The following CNTNAP4 variants were observed in gnomAD, a reference collection of about 807,000 sequenced individuals.
CNTNAP4 encodes contactin-associated protein-like 4.
Under a neutral mutation model 148.4 loss-of-function variants are expected in CNTNAP4, and 98 were observed. That is an observed-to-expected ratio of 0.66 (90% CI 0.56 to 0.78). CNTNAP4 has a LOEUF of 0.78. Ranked by LOEUF, CNTNAP4 falls within the 30% of genes least tolerant of loss-of-function variation. The pLI, the probability that CNTNAP4 is intolerant of heterozygous loss-of-function variation, is 0.00. For missense variants in CNTNAP4, 1,935 were observed against 1,565.6 expected (o/e 1.24, Z -3.98); for synonymous variants, 730 against 565.1 (o/e 1.29, Z -4.14).
intron 3 of CNTNAP4, among the ~76,000 whole-genome samples, chr16:76,394,818 A>G (rs1184494048): frequency 1.3e-5 from 2 of 152,172 alleles, no homozygotes; most frequent in African/African-American, 2.4e-5. Flanking sequence ...TGAGTGATAC[A>G]TCATTCCCAT....
At chr16:76,526,697 A>G (rs1329595935) in intron 17 of CNTNAP4, among the ~76,000 whole-genome samples, 5 of 152,152 alleles carry the variant, frequency 3.3e-5, no homozygotes, top group Non-Finnish European at 5.9e-5. Context: ...TTTTTGAGAC[A>G]GAGTCTCACT....
At chr16:76,375,926 T>TC (rs1279563145) in intron 3 of CNTNAP4, among the ~76,000 whole-genome samples, 1 of 152,186 alleles carries the variant, frequency 6.6e-6, no homozygotes, top group East Asian at 1.9e-4. Flanking sequence ...AGATGCAGGC[T>TC]CCATCTCATG....
At chr16:76,351,735 T>G (rs1408127149) in intron 2 of CNTNAP4, among the ~76,000 whole-genome samples, 4 of 152,216 alleles carry the variant, frequency 2.6e-5, no homozygotes, top group African/African-American at 7.2e-5. Context: ...ATGTTTCAAG[T>G]TGGCTGGTGC....
chr16:76,282,214 T>G (rs1958715840), intron 1 of CNTNAP4, among the ~76,000 whole-genome samples: 1 of 151,930 alleles, frequency 6.6e-6, no homozygotes, highest in Admixed American at 6.6e-5. Context: ...AGTTAATGTT[T>G]CCTTGTATGT....
chr16:76,355,314 A>G lies in CNTNAP4; in HGVS notation c.197-4A>G, dbSNP rs1567826383. ...TTTTCTCCTGTTTCTATTTTTAATA[A>G]AAGGAGCTGGTGGCTGGTCTCCACT... On this transcript the variant is annotated splice_polypyrimidine_tract_variant and splice_region_variant and intron_variant, in intron 2 of 23. Coordinates refer to ENST00000611870, the MANE Select transcript of CNTNAP4 (RefSeq NM_033401.5). The G allele has an allele frequency of 4.6e-6, 7 of 1,505,822 alleles. No individual in the cohort carries two copies. The highest frequency in any genetic ancestry group is 6.2e-6 in the Non-Finnish European group (7 of 1,126,760). The allele number at this position is 1,505,822 out of a possible 1,614,324, so 93.3% of individuals were successfully genotyped here.
At chr16:76,425,400 C>T (rs2079350951) in intron 3 of CNTNAP4, among the ~76,000 whole-genome samples, 1 of 152,106 alleles carries the variant, frequency 6.6e-6, no homozygotes, top group Non-Finnish European at 1.5e-5. Context: ...ACACATTCAA[C>T]ATATATTTTA....
At chr16:76,527,151 T>C (rs1463939496) in intron 17 of CNTNAP4, among the ~76,000 whole-genome samples, 1 of 152,202 alleles carries the variant, frequency 6.6e-6, no homozygotes, top group East Asian at 1.9e-4. Flanking sequence ...ATATTTAATC[T>C]TCTTCCTCTC....
chr16:76,496,085 TTGTG>T (rs5817999), intron 14 of CNTNAP4, among the ~76,000 whole-genome samples: 4 of 140,032 alleles, frequency 2.9e-5, no homozygotes, highest in African/African-American at 7.6e-5. Context: ...CAAGATTATG[TTGTG>T]TGTGTGTGTG....
rs548875194 is a variant in CNTNAP4, at chr16:76,340,650, T to G, written c.197-14668T>G. ...ATTCAATACATATTTATAGGGAGTT[T>G]CCTATGTGCCAACACCTATTCTAGC... On this transcript the variant is annotated intron_variant, in intron 2 of 23. Transcript: ENST00000611870. Among the ~76,000 whole-genome samples the G allele has an allele frequency of 4.3e-4, 65 of 152,330 alleles. 1 individual carries two copies. The South Asian group carries it at 0.011, about 27-fold the overall frequency.
chr16:76,522,782 TGACAGAGTCTC>T, intron 17 of CNTNAP4, among the ~76,000 whole-genome samples: 1 of 139,234 alleles, frequency 7.2e-6, no homozygotes, highest in Non-Finnish European at 1.5e-5. Context: ...TTTTCTTTCT[TGACAGAGTCTC>T]GCTCTGTCAC....
At chr16:76,419,476 G>T (rs920442659) in intron 3 of CNTNAP4, among the ~76,000 whole-genome samples, 1 of 151,958 alleles carries the variant, frequency 6.6e-6, no homozygotes, top group Non-Finnish European at 1.5e-5. Context: ...CAGAAATGTG[G>T]AGCCCTCTAA....
rs1252128329 is a variant in CNTNAP4 at position 76,355,477 on chromosome 16, A to T, written c.356A>T (p.Asn119Ile). ...CTGATGTTCAGTGATAGTGGCTGGA[A>T]CTGGAAACAATATCGCCAAGAGGAC... Reference protein sequence around the residue: ...YLLMFSDSGWNWKQYRQEDSI... With the variant: ...YLLMFSDSGWIWKQYRQEDSI... The change falls in exon 3 of 24, where the codon AAC (asparagine) becomes ATC (isoleucine). Residue 119 changes from asparagine to isoleucine, a missense_variant. Asn to Ile is a moderately radical substitution (Grantham distance 149, BLOSUM62 -3). Coordinates refer to ENST00000611870, the MANE Select transcript of CNTNAP4 (RefSeq NM_033401.5). The T allele has an allele frequency of 6.2e-7, 1 of 1,611,184 alleles. No individual in the cohort carries two copies. The highest frequency in any genetic ancestry group is 1.3e-5 in the African/African-American group (1 of 74,746).
At chr16:76,474,625 T>C (rs1287766439) in intron 10 of CNTNAP4, among the ~76,000 whole-genome samples, 1 of 151,872 alleles carries the variant, frequency 6.6e-6, no homozygotes, top group Non-Finnish European at 1.5e-5. Context: ...TAATCTGTAA[T>C]GAATGAGGGC....
intron 8 of CNTNAP4, among the ~76,000 whole-genome samples, chr16:76,460,773 A>AAAT: frequency 1.7e-4 from 10 of 57,326 alleles, no homozygotes; most frequent in African/African-American, 6.4e-4. Context: ...AAAAAAAAAA[A>AAAT]ATATATATAT....
At chr16:76,315,075 G>A (rs1171026483) in intron 1 of CNTNAP4, among the ~76,000 whole-genome samples, 1 of 148,456 alleles carries the variant, frequency 6.7e-6, no homozygotes, top group African/African-American at 2.6e-5. Context: ...ATTTTGTTTT[G>A]TGTTGTTGTT....
intron 3 of CNTNAP4, among the ~76,000 whole-genome samples, chr16:76,403,089 G>GTTTT (rs1194979868): frequency 7.4e-5 from 11 of 148,634 alleles, no homozygotes; most frequent in African/African-American, 2.9e-4. Flanking sequence ...TTGTTGTTGG[G>GTTTT]TTTTATTTTT....
chr16:76,414,651 G>A (rs954515956), intron 3 of CNTNAP4, among the ~76,000 whole-genome samples: 5 of 151,286 alleles, frequency 3.3e-5, no homozygotes, highest in Non-Finnish European at 7.4e-5. Flanking sequence ...AGACATCGAG[G>A]CCTGCAATTT....
intron 4 of CNTNAP4, chr16:76,432,617 A>G (rs572390775): frequency 2.0e-5 from 3 of 152,324 alleles, no homozygotes; most frequent in South Asian, 2.1e-4. Flanking sequence ...GAAGTAAACA[A>G]TGGTGAACAA....
intron 4 of CNTNAP4, among the ~76,000 whole-genome samples, chr16:76,446,241 T>G (rs150413147): frequency 6.6e-6 from 1 of 152,300 alleles, no homozygotes; most frequent in Non-Finnish European, 1.5e-5. Flanking sequence ...AATAACTTTG[T>G]CACATCAAAC....
Sources: allele counts gnomAD v4.1 joint callset (sites outside exome capture counted in the v4.1 genomes callset), GRCh38; gene constraint gnomAD v4.1.1; transcripts MANE v1.5; gene names NCBI Gene and HGNC (gene_info 2026-07-23, HGNC 2026-07-21).